FAM81A: variants seen among roughly 807,000 people sequenced by gnomAD.
The protein encoded by FAM81A is family with sequence similarity 81 member A.
FAM81A carries 19 observed loss-of-function variants against 46.7 expected under a neutral mutation model. The observed-to-expected ratio is 0.41, with a 90% CI of 0.28 to 0.60. FAM81A has a LOEUF of 0.60. FAM81A is among the 20% of genes least tolerant of loss of function. The pLI is 0.34. For synonymous variants in FAM81A, 183 were observed against 152.9 expected, an observed-to-expected ratio of 1.20 and a Z score of -1.45; for missense variants, 377 against 453.5, an observed-to-expected ratio of 0.83 and a Z score of 1.53.
At position 59,487,085 on chromosome 15, in the gene FAM81A, TAGAC is replaced by T. The variant is rs1198852699; in HGVS notation, c.295-5183_295-5180del. On this transcript the variant is annotated intron_variant, in intron 3 of 8. Coordinates refer to ENST00000288228, the MANE Select transcript of FAM81A (RefSeq NM_152450.3). ...TCAAAAATAATAACTTTTCCAGACATAGACAGTACAATAAGATATGAATAGAAAC... is the reference window on the plus strand; with the variant it reads ...TCAAAAATAATAACTTTTCCAGACATAGTACAATAAGATATGAATAGAAAC... Among the ~76,000 whole-genome samples, 24 of 150,880 alleles carry T rather than the reference TAGAC, an allele frequency of 1.6e-4. No homozygotes were observed. In the East Asian group the frequency reaches 2.3e-3, roughly 15 times the overall value.
In FAM81A at chr15:59,521,897, A is replaced by T. The variant is rs1469320961; in HGVS notation, c.*519A>T. The T allele has an allele frequency of 6.6e-6, 1 of 152,132 alleles. No homozygotes were observed. Among genetic ancestry groups the T allele is most frequent in the Non-Finnish European group, 1.5e-5 (1 of 68,034 alleles). 9.4% of individuals were successfully genotyped at this position (152,132 alleles called of 1,614,324 possible). A position where few individuals can be genotyped will look rare whatever the true frequency, so the allele number is the denominator to read the frequency against. Reference sequence around the variant, plus strand: ...TTCTTATATTGGTTATCTTCTTGTAAATCTTCTGTCTTTTGTAAGGGGAAA... The same window carrying T: ...TTCTTATATTGGTTATCTTCTTGTATATCTTCTGTCTTTTGTAAGGGGAAA... On this transcript the variant is annotated 3_prime_UTR_variant, in exon 9 of 9. Transcript: ENST00000288228.
rs142438126 is a variant in FAM81A, at chr15:59,503,383, A to C, written c.414-3830A>C. Reference sequence around the variant, plus strand: ...AATAGTTTATTATATACAATGGTAGAATGGTTTGTAGTCTAATAAGTTTCT... The same window carrying C: ...AATAGTTTATTATATACAATGGTAGCATGGTTTGTAGTCTAATAAGTTTCT... On this transcript the variant is annotated intron_variant, in intron 4 of 8. Coordinates refer to ENST00000288228, the MANE Select transcript of FAM81A (RefSeq NM_152450.3). 1.8e-4 allele frequency among the ~76,000 whole-genome samples: 27 copies of C among 152,282 alleles called. No individual in the cohort carries two copies. In the East Asian group the frequency reaches 5.0e-3, roughly 28 times the overall value.
chr15:59,459,060 A>G (rs1463026563), intron 2 of FAM81A, among the ~76,000 whole-genome samples: 1 of 152,244 alleles, frequency 6.6e-6, no homozygotes, highest in Non-Finnish European at 1.5e-5. Flanking sequence ...GCAGTGGCAC[A>G]GTCACAGCTC....
chr15:59,411,191 A>G (rs2081118942), intron 2 of FAM81A, among the ~76,000 whole-genome samples: 3 of 152,292 alleles, frequency 2.0e-5, no homozygotes, highest in Admixed American at 2.0e-4. Context: ...CGCACAGATC[A>G]AGGAGGGTTA....
intron 5 of FAM81A, among the ~76,000 whole-genome samples, chr15:59,507,630 G>C (rs1210288907): frequency 6.6e-6 from 1 of 152,104 alleles, no homozygotes; most frequent in African/African-American, 2.4e-5. Flanking sequence ...ATGACACCTT[G>C]AAAGCTATCT....
At chr15:59,437,657 G>A (rs2081252521), upstream of FAM81A, among the ~76,000 whole-genome samples, 2 of 152,150 alleles carry the variant, frequency 1.3e-5, no homozygotes, top group African/African-American at 4.8e-5. Context: ...TGCACAGGTG[G>A]GGCGTCACCG....
chr15:59,483,060 C>T (rs377318957), intron 3 of FAM81A, among the ~76,000 whole-genome samples: 104 of 150,270 alleles, frequency 6.9e-4, no homozygotes, highest in East Asian at 2.3e-3. Flanking sequence ...TTTTTTTTGA[C>T]GGAGTCTTGC....
chr15:59,490,552 C>G (rs2141751156), intron 3 of FAM81A, among the ~76,000 whole-genome samples: 1 of 152,248 alleles, frequency 6.6e-6, no homozygotes, highest in Middle Eastern at 3.4e-3. Flanking sequence ...GAGATATTGG[C>G]TGAGTGCAGC....
At chr15:59,497,239 A>G (rs1223290105) in intron 4 of FAM81A, among the ~76,000 whole-genome samples, 1 of 149,328 alleles carries the variant, frequency 6.7e-6, no homozygotes, top group Non-Finnish European at 1.5e-5. Flanking sequence ...CGAGATCAGG[A>G]GTTTGAGACC....
At chr15:59,451,125 T>C (rs545745430) in intron 1 of FAM81A, among the ~76,000 whole-genome samples, 1 of 152,208 alleles carries the variant, frequency 6.6e-6, no homozygotes, top group Non-Finnish European at 1.5e-5. Flanking sequence ...TAGATCAGCA[T>C]TGTTAGGGTG....
chr15:59,398,918 C>T (rs2081058713), intron 1 of FAM81A, among the ~76,000 whole-genome samples: 2 of 151,478 alleles, frequency 1.3e-5, no homozygotes, highest in East Asian at 2.0e-4. Flanking sequence ...GCCTGTAATC[C>T]CAGCACTTTG....
At chr15:59,401,530 T>G (rs538513844) in intron 1 of FAM81A, 2 of 754,296 alleles carry the variant, frequency 2.7e-6, no homozygotes, top group Admixed American at 3.9e-5. Flanking sequence ...TAAAGCCATC[T>G]TGAACAAAGC....
At chr15:59,509,764 G>A (rs2082185656) in intron 6 of FAM81A, among the ~76,000 whole-genome samples, 2 of 152,126 alleles carry the variant, frequency 1.3e-5, no homozygotes, top group South Asian at 4.1e-4. Context: ...GAGAATATAT[G>A]AGGTTGAATA....
chr15:59,457,812 C>T (rs963804762), intron 1 of FAM81A, among the ~76,000 whole-genome samples: 1 of 152,250 alleles, frequency 6.6e-6, no homozygotes, highest in East Asian at 1.9e-4. Context: ...ATTATGGAAT[C>T]AGATCATAGT....
intron 3 of FAM81A, among the ~76,000 whole-genome samples, chr15:59,479,703 C>T (rs1031165234): frequency 1.3e-5 from 2 of 151,446 alleles, no homozygotes; most frequent in African/African-American, 4.9e-5. Flanking sequence ...AGGCGTGGCA[C>T]GTTTAAGAAG....
chr15:59,431,466 C>T (rs2081219625), intron 2 of FAM81A, among the ~76,000 whole-genome samples: 1 of 151,762 alleles, frequency 6.6e-6, no homozygotes, highest in Non-Finnish European at 1.5e-5. Flanking sequence ...AACTCCTGAC[C>T]TCATGATCCG....
intron 3 of FAM81A, among the ~76,000 whole-genome samples, chr15:59,468,760 T>G (rs754241903): frequency 6.6e-6 from 1 of 152,192 alleles, no homozygotes; most frequent in Non-Finnish European, 1.5e-5. Flanking sequence ...TGCTAGCTTT[T>G]GAATGTGTTT....
intron 4 of FAM81A, among the ~76,000 whole-genome samples, chr15:59,496,408 C>G (rs2082034288): frequency 2.0e-5 from 3 of 151,980 alleles, no homozygotes; most frequent in Non-Finnish European, 2.9e-5. Context: ...AGTTCAAGAC[C>G]AGCCTGACCA....
At chr15:59,512,471 CAAAAAAAAA>C (rs766904849) in intron 6 of FAM81A, among the ~76,000 whole-genome samples, 3 of 13,666 alleles carry the variant, frequency 2.2e-4, no homozygotes, top group African/African-American at 3.5e-4. Flanking sequence ...AACTCCATCT[CAAAAAAAAA>C]AAAAAAAAAA....
Sources: gnomAD v4.1 joint callset for allele counts (sites outside exome capture counted in the v4.1 genomes callset) on GRCh38, gnomAD v4.1.1 for gene constraint, MANE v1.5 for transcripts, NCBI Gene and HGNC (gene_info 2026-07-23, HGNC 2026-07-21) for gene names.